TMEM39B: variants seen among roughly 807,000 people sequenced by gnomAD.
TMEM39B encodes transmembrane protein 39B.
A neutral mutation model predicts 52.2 loss-of-function variants in TMEM39B; 23 were observed. The observed-to-expected ratio is 0.44, with a 90% CI of 0.32 to 0.62. The LOEUF (loss-of-function observed/expected upper bound fraction) is 0.62, where lower values mean the gene tolerates loss of function less well. TMEM39B is among the 20% of genes least tolerant of loss of function. TMEM39B has a pLI of 0.06. For missense variants in TMEM39B, 547 were observed against 642.0 expected (o/e 0.85, Z 1.60); for synonymous variants, 285 against 264.0 (o/e 1.08, Z -0.77).
chr1:32,075,501 T>A, intron 2 of TMEM39B, 102 bp from the exon 3 acceptor site: 2 of 1,232,780 alleles, frequency 1.6e-6, no homozygotes, highest in Non-Finnish European at 2.2e-6. Context: ...GTCCTTGCTA[T>A]GAGCTGCTTT....
chr1:32,091,872 C>T lies in TMEM39B; in HGVS notation c.788C>T (p.Ala263Val), dbSNP rs1408810095. Reference sequence around the variant, plus strand: ...GGCCCGGACGCCATGCCCACCCATGCCTGCTGCCTGTCACCCAGCCTCATC... The same window carrying T: ...GGCCCGGACGCCATGCCCACCCATGTCTGCTGCCTGTCACCCAGCCTCATC... ...LYGPDAMPTH[A>V]CCLSPSLIRS... The change falls in exon 6 of 9, where the codon GCC (alanine) becomes GTC (valine). Residue 263 changes from alanine to valine, a missense_variant. Transcript: ENST00000336294. 3 of 1,614,218 alleles carry T rather than the reference C, an allele frequency of 1.9e-6. No individual in the cohort carries two copies. Among genetic ancestry groups the T allele is most frequent in the East Asian group, 2.2e-5 (1 of 44,880 alleles).
intron 5 of TMEM39B, among the ~76,000 whole-genome samples, chr1:32,081,311 G>T (rs1327248361): frequency 1.3e-5 from 2 of 151,100 alleles, no homozygotes; most frequent in African/African-American, 4.9e-5. Flanking sequence ...TGGCTCTGTT[G>T]CCCAGGCTGG....
At chr1:32,075,151 A>T (rs1639800650) in intron 2 of TMEM39B, 74 bp downstream of exon 2, 2 of 1,475,138 alleles carry the variant, frequency 1.4e-6, no homozygotes, top group East Asian at 5.0e-5. Context: ...CTCTGACTGG[A>T]TTCTAAGATG....
intron 7 of TMEM39B, among the ~76,000 whole-genome samples, chr1:32,098,650 A>G (rs11807628): frequency 0.14 from 21,718 of 152,080 alleles, 2,168 homozygotes; most frequent in African/African-American, 0.26. Context: ...GGAGAATGGC[A>G]TGAACCTAGG....
chr1:32,085,697 GCTGAGATTGCGCCA>G (rs1640317326), intron 5 of TMEM39B, among the ~76,000 whole-genome samples: 1 of 151,490 alleles, frequency 6.6e-6, no homozygotes, highest in Non-Finnish European at 1.5e-5. Context: ...GTTGCAGTGA[GCTGAGATTGCGCCA>G]CTGCACTCCA....
intron 5 of TMEM39B, among the ~76,000 whole-genome samples, chr1:32,080,674 CAAAAAAA>C (rs947127249): frequency 1.9e-5 from 1 of 51,688 alleles, no homozygotes; most frequent in Non-Finnish European, 4.1e-5. Context: ...GACTCTGTCT[CAAAAAAA>C]AAAAAAAAAA....
chr1:32,073,042 G>A lies in TMEM39B; in HGVS notation c.-6G>A, dbSNP rs901923886. ...GCGGCGAAGCGGAGAGCACCGGGGG[G>A]AGGAGATGGGTGAGCAGAGCGGCTC... On this transcript the variant is annotated 5_prime_UTR_variant, in exon 1 of 9. Coordinates refer to ENST00000336294, the MANE Select transcript of TMEM39B (RefSeq NM_018056.4). The A allele has an allele frequency of 3.1e-5, 47 of 1,521,018 alleles. No homozygotes were observed. The highest frequency in any genetic ancestry group is 4.1e-5 in the Non-Finnish European group (46 of 1,132,208). 94.2% of individuals were successfully genotyped at this position (1,521,018 alleles called of 1,614,324 possible).
intron 6 of TMEM39B, among the ~76,000 whole-genome samples, chr1:32,093,447 T>A (rs1449456251): frequency 1.5e-5 from 2 of 134,048 alleles, no homozygotes; most frequent in Non-Finnish European, 3.2e-5. Flanking sequence ...GGTCTTGCTC[T>A]ATGGCCCAGG....
chr1:32,092,327 T>A (rs1002563692), intron 6 of TMEM39B, among the ~76,000 whole-genome samples: 2 of 152,016 alleles, frequency 1.3e-5, no homozygotes, highest in Non-Finnish European at 2.9e-5. Flanking sequence ...CAACTAATTT[T>A]AAAATTTTTT....
chr1:32,094,789 A>C lies in TMEM39B; in HGVS notation c.933A>C (p.Thr311=). 1 of 1,614,202 alleles carries C rather than the reference A, an allele frequency of 6.2e-7. No individual in the cohort carries two copies. The highest frequency in any genetic ancestry group is 8.5e-7 in the Non-Finnish European group (1 of 1,180,034). The stretch of plus-strand genomic sequence containing the variant: ...CCACCTTCTGCTACCCCCAGAACAC[A>C]CATTACTATGACAAGCGCTGGTCCT... ...AFVPVWFVKN[T]HYYDKRWSCE... The change falls in exon 7 of 9, where the codon ACA becomes ACC. Residue 311 remains threonine, a synonymous_variant. Transcript: ENST00000336294.
intron 7 of TMEM39B, among the ~76,000 whole-genome samples, chr1:32,100,200 C>T (rs1276494675): frequency 6.6e-6 from 1 of 152,110 alleles, no homozygotes; most frequent in African/African-American, 2.4e-5. Flanking sequence ...AAGAAGGGTT[C>T]TCTCAACAGT....
At chr1:32,094,486 C>G (rs984877991) in intron 6 of TMEM39B, among the ~76,000 whole-genome samples, 7 of 152,100 alleles carry the variant, frequency 4.6e-5, no homozygotes, top group African/African-American at 1.7e-4. Context: ...AGGTAAGTGA[C>G]TAGCCCAATG....
At chr1:32,075,531 C>A in intron 2 of TMEM39B, 72 bp from the exon 3 acceptor site, 1 of 1,455,664 alleles carries the variant, frequency 6.9e-7, no homozygotes, top group Non-Finnish European at 9.3e-7. Flanking sequence ...ATCCCACAAT[C>A]CTTTGCCTCA....
At position 32,076,226 on chromosome 1, in the gene TMEM39B, C is replaced by T. The variant is rs534148943; in HGVS notation, c.351+404C>T. On this transcript the variant is annotated intron_variant, in intron 3 of 8. Coordinates refer to ENST00000336294, the MANE Select transcript of TMEM39B (RefSeq NM_018056.4). ...TTCCAGTTTCAAGCGATTCTCCTGC[C>T]TCAGTCTCCCGAGTAGCTGGGATTA... is the stretch of plus-strand genomic sequence containing the variant. The T allele has an allele frequency of 8.0e-5, 16 of 198,786 alleles. No individual in the cohort carries two copies. In the South Asian group the frequency reaches 1.4e-3, roughly 17 times the overall value. 12.3% of individuals were successfully genotyped at this position (198,786 alleles called of 1,614,324 possible). A position where few individuals can be genotyped will look rare whatever the true frequency, so the allele number is the denominator to read the frequency against.
At chr1:32,080,560 G>T (rs553590877) in intron 5 of TMEM39B, among the ~76,000 whole-genome samples, 1 of 151,588 alleles carries the variant, frequency 6.6e-6, no homozygotes, top group African/African-American at 2.4e-5. Flanking sequence ...CCAGCTACTC[G>T]GGAGGCTGAG....
chr1:32,072,921 C>G, upstream of TMEM39B: 1 of 1,283,638 alleles, frequency 7.8e-7, no homozygotes, highest in Non-Finnish European at 1.1e-6. Context: ...TGTAGCGGCG[C>G]GGCGGGAGCG....
chr1:32,083,792 C>G (rs1470992894), intron 5 of TMEM39B, among the ~76,000 whole-genome samples: 1 of 152,040 alleles, frequency 6.6e-6, no homozygotes, highest in Non-Finnish European at 1.5e-5. Flanking sequence ...TCGCTTGAAC[C>G]CAGGAGGCAG....
At position 32,091,834 on chromosome 1, in the gene TMEM39B, A is replaced by G. The variant is rs766872936; in HGVS notation, c.750A>G (p.Thr250=). Residue 250 remains threonine (T), a synonymous_variant, in exon 6 of 9, where the codon ACA becomes ACG. Transcript: ENST00000336294. ...TGCGGGAGACGTGGAAGCAGCACAC[A>G]AGACAGCTGTATGGCCCGGACGCCA... ...LTLRETWKQH[T]RQLYGPDAMP... is the part of the protein sequence containing the mutation. 8.7e-6 allele frequency: 14 copies of G among 1,614,204 alleles called. No homozygotes were observed. The highest frequency in any genetic ancestry group is 9.3e-6 in the Non-Finnish European group (11 of 1,180,036).
intron 5 of TMEM39B, among the ~76,000 whole-genome samples, chr1:32,087,247 G>C (rs1347635282): frequency 6.6e-6 from 1 of 151,200 alleles, no homozygotes; most frequent in Admixed American, 6.6e-5. Flanking sequence ...GAACCCGGGA[G>C]GGGGAGGTTG....
Sources: allele counts gnomAD v4.1 joint callset (sites outside exome capture counted in the v4.1 genomes callset), GRCh38; gene constraint gnomAD v4.1.1; transcripts MANE v1.5; gene names NCBI Gene and HGNC (gene_info 2026-07-23, HGNC 2026-07-21).